FOXP1: variants seen among roughly 807,000 people sequenced by gnomAD.
FOXP1 encodes forkhead box P1, also known as forkhead box protein P1.
FOXP1 carries 15 observed loss-of-function variants against 98.2 expected under a neutral mutation model. The ratio of observed to expected loss-of-function variants is 0.15; its 90% CI spans 0.10 to 0.24. The LOEUF (loss-of-function observed/expected upper bound fraction) is 0.24. Ranked by LOEUF, FOXP1 falls within the 10% of genes least tolerant of loss-of-function variation. The pLI is 1.00. For missense variants in FOXP1, 633 were observed against 848.5 expected (o/e 0.75, Z 3.15); for synonymous variants, 371 against 314.5 (o/e 1.18, Z -1.90).
At chr3:71,046,800 C>T in intron 10 of FOXP1, 142 bp downstream of exon 10, 1 of 1,042,268 alleles carries the variant, frequency 9.6e-7, no homozygotes, top group Admixed American at 1.7e-5. Context: ...ATGGGTCCAT[C>T]ATTATCCCAC....
chr3:71,324,253 A>T (rs1434441237), intron 4 of FOXP1, among the ~76,000 whole-genome samples: 1 of 152,226 alleles, frequency 6.6e-6, no homozygotes, highest in East Asian at 1.9e-4. Context: ...TTTCCTTTGC[A>T]GTATTAAAGT....
At chr3:71,127,613 A>C (rs2059304573) in intron 6 of FOXP1, among the ~76,000 whole-genome samples, 1 of 152,192 alleles carries the variant, frequency 6.6e-6, no homozygotes, top group Admixed American at 6.5e-5. Flanking sequence ...GTCAGGGCTG[A>C]CTATGTCACA....
intron 4 of FOXP1, chr3:71,306,037 T>A (rs1157502660): frequency 6.6e-6 from 1 of 152,470 alleles, no homozygotes; most frequent in Non-Finnish European, 1.5e-5. Context: ...ACTGAAGGTA[T>A]GTGGGCTAAA....
At chr3:71,336,766 A>G (rs2076709888) in intron 4 of FOXP1, among the ~76,000 whole-genome samples, 1 of 152,222 alleles carries the variant, frequency 6.6e-6, no homozygotes, top group Non-Finnish European at 1.5e-5. Flanking sequence ...AAGGAAGACA[A>G]TAAGATATTA....
intron 3 of FOXP1, among the ~76,000 whole-genome samples, chr3:71,389,254 C>CGGGGGG (rs1560413261): frequency 1.3e-3 from 8 of 6,066 alleles, no homozygotes; most frequent in African/African-American, 2.6e-3. Flanking sequence ...GGGGGGGGGC[C>CGGGGGG]GGGGGGGGCG....
chr3:71,100,463 T>C (rs767085814), intron 7 of FOXP1, among the ~76,000 whole-genome samples: 14 of 152,192 alleles, frequency 9.2e-5, no homozygotes, highest in South Asian at 8.3e-4. Context: ...TAAGGTCTTA[T>C]AGTCAGAGGA....
At chr3:71,335,894 A>T (rs1355063504) in intron 4 of FOXP1, among the ~76,000 whole-genome samples, 1 of 151,606 alleles carries the variant, frequency 6.6e-6, no homozygotes, top group Non-Finnish European at 1.5e-5. Flanking sequence ...AATTCCAGCT[A>T]CTCAGGAGGC....
At chr3:71,045,636 G>A (rs2048920276) in intron 10 of FOXP1, among the ~76,000 whole-genome samples, 2 of 152,160 alleles carry the variant, frequency 1.3e-5, no homozygotes, top group Non-Finnish European at 2.9e-5. Flanking sequence ...TCAAGCAGCT[G>A]AGCAGTCATG....
chr3:71,300,035 C>T (rs553740665), intron 4 of FOXP1, among the ~76,000 whole-genome samples, 155 bp from the exon 5 acceptor site: 1 of 152,322 alleles, frequency 6.6e-6, no homozygotes, highest in East Asian at 1.9e-4. Context: ...AGAATCTCTA[C>T]TTATCTGGAC....
At chr3:71,373,317 G>A (rs547223252) in intron 3 of FOXP1, among the ~76,000 whole-genome samples, 2 of 75,854 alleles carry the variant, frequency 2.6e-5, no homozygotes, top group South Asian at 5.9e-4. Flanking sequence ...CAAAATGTTC[G>A]CCTTTACAAA....
At chr3:71,185,779 C>T (rs1349047081) in intron 6 of FOXP1, among the ~76,000 whole-genome samples, 3 of 152,180 alleles carry the variant, frequency 2.0e-5, no homozygotes, top group Non-Finnish European at 4.4e-5. Context: ...AAGTCAGAAG[C>T]CAAACCCATA....
intron 12 of FOXP1, among the ~76,000 whole-genome samples, chr3:71,006,479 T>G (rs2042826466): frequency 6.6e-6 from 1 of 152,084 alleles, no homozygotes; most frequent in African/African-American, 2.4e-5. Flanking sequence ...GTACCAGCAA[T>G]CAAAATTATG....
intron 3 of FOXP1, among the ~76,000 whole-genome samples, chr3:71,487,624 C>T (rs1160678325): frequency 6.6e-6 from 1 of 152,132 alleles, no homozygotes; most frequent in Non-Finnish European, 1.5e-5. Context: ...ACAGGATGGG[C>T]ACAGAAAAGG....
At chr3:71,145,714 T>C (rs969669543) in intron 6 of FOXP1, among the ~76,000 whole-genome samples, 1 of 152,202 alleles carries the variant, frequency 6.6e-6, no homozygotes, top group Non-Finnish European at 1.5e-5. Context: ...TATAGTGGTA[T>C]CGCATCCTAT....
At chr3:71,470,557 T>C (rs1053151877) in intron 3 of FOXP1, among the ~76,000 whole-genome samples, 5 of 152,040 alleles carry the variant, frequency 3.3e-5, no homozygotes, top group African/African-American at 9.7e-5. Flanking sequence ...CTGGGCAACA[T>C]GGTGAACCGC....
chr3:71,276,755 G>A (rs1448567567), intron 5 of FOXP1, among the ~76,000 whole-genome samples: 1 of 152,160 alleles, frequency 6.6e-6, no homozygotes, highest in South Asian at 2.1e-4. Flanking sequence ...GGGGTGTTAG[G>A]AATGTTCAGT....
chr3:71,117,089 CTT>C (rs11380918), intron 6 of FOXP1, among the ~76,000 whole-genome samples: 2,321 of 148,544 alleles, frequency 0.016, 74 homozygotes, highest in African/African-American at 0.054. Flanking sequence ...AGAGATAAAT[CTT>C]TTTTTTTTTT....
chr3:70,959,136 A>C lies in FOXP1; in HGVS notation c.*111T>G. 1.6e-6 allele frequency: 2 copies of C among 1,287,138 alleles called. No homozygotes were observed. Among genetic ancestry groups the C allele is most frequent in the Non-Finnish European group, 2.2e-6 (2 of 896,946 alleles). 79.7% of individuals were successfully genotyped at this position (1,287,138 alleles called of 1,614,324 possible). A position where few individuals can be genotyped will look rare whatever the true frequency, so the allele number is the denominator to read the frequency against. On this transcript the variant is annotated 3_prime_UTR_variant, in exon 21 of 21. Transcript: ENST00000649528. ...TCAGAGTTGTCAAAACGTAGTGAAA[A>C]TCCTCCAGACTGTACAACAAATGGA...
At chr3:71,514,410 C>T (rs57929572) in intron 2 of FOXP1, among the ~76,000 whole-genome samples, 47,966 of 152,110 alleles carry the variant, frequency 0.32, 8,789 homozygotes, top group Non-Finnish European at 0.42. Context: ...CACACCCCTT[C>T]TAACCTCCTA....
Sources: gnomAD v4.1 joint callset for allele counts (sites outside exome capture counted in the v4.1 genomes callset) on GRCh38, gnomAD v4.1.1 for gene constraint, MANE v1.5 for transcripts, NCBI Gene and HGNC (gene_info 2026-07-23, HGNC 2026-07-21) for gene names.